TLL2: variants seen among roughly 807,000 people sequenced by gnomAD.
TLL2 encodes the protein tolloid like 2, also known as tolloid-like protein 2.
TLL2 carries 106 observed loss-of-function variants against 123.0 expected under a neutral mutation model. The observed-to-expected ratio is 0.86, with a 90% CI of 0.74 to 1.01. The LOEUF (loss-of-function observed/expected upper bound fraction) is 1.01. TLL2 is among the 50% of genes least tolerant of loss of function. The pLI, the probability that TLL2 is intolerant of heterozygous loss-of-function variation, is 0.00. For missense variants in TLL2, 1,332 were observed against 1,336.7 expected (o/e 1.00, Z 0.06); for synonymous variants, 494 against 516.8 (o/e 0.96, Z 0.60).
intron 2 of TLL2, among the ~76,000 whole-genome samples, chr10:96,460,504 G>T (rs543548187): frequency 1.3e-5 from 2 of 152,282 alleles, no homozygotes; most frequent in Admixed American, 1.3e-4. Context: ...GTTGGAGGAG[G>T]GGCCTGGTGG....
intron 2 of TLL2, among the ~76,000 whole-genome samples, chr10:96,448,157 C>G (rs779101455): frequency 2.0e-5 from 3 of 152,204 alleles, no homozygotes; most frequent in African/African-American, 4.8e-5. Flanking sequence ...ATGGGAGGCT[C>G]CGCGCCTGCA....
At chr10:96,424,920 T>C (rs1412232830) in intron 5 of TLL2, among the ~76,000 whole-genome samples, 1 of 151,948 alleles carries the variant, frequency 6.6e-6, no homozygotes, top group Non-Finnish European at 1.5e-5. Context: ...GATTTTTTCT[T>C]TCTTTCTTCC....
At chr10:96,459,213 T>C (rs1161617343) in intron 2 of TLL2, among the ~76,000 whole-genome samples, 1 of 152,172 alleles carries the variant, frequency 6.6e-6, no homozygotes, top group African/African-American at 2.4e-5. Flanking sequence ...GCTGGAATCC[T>C]CTCATGTTTT....
intron 2 of TLL2, among the ~76,000 whole-genome samples, chr10:96,467,016 G>T (rs764166344): frequency 5.9e-5 from 9 of 152,170 alleles, no homozygotes; most frequent in African/African-American, 1.9e-4. Flanking sequence ...TAAAAAATTA[G>T]TTTAGTTCAT....
chr10:96,384,525 G>T, intron 16 of TLL2, 62 bp downstream of exon 16: 1 of 1,446,522 alleles, frequency 6.9e-7, no homozygotes, highest in Non-Finnish European at 9.3e-7. Flanking sequence ...GGACCCCAGA[G>T]CCTGGAGTCT....
rs975298371 is a variant in TLL2, at chr10:96,415,050, C to A, written c.924-1734G>T. Among the ~76,000 whole-genome samples the A allele has an allele frequency of 4.6e-5, 7 of 152,322 alleles. 1 individual carries two copies. The highest frequency in any genetic ancestry group is 4.6e-4 in the Admixed American group (7 of 15,302). ...CTTGGCCACAATGCTGCAATGGAAT[C>A]ATCCCAGAATGCAAGGGGAGGCACG... On this transcript the variant is annotated intron_variant, in intron 7 of 20. Coordinates refer to ENST00000357947, the MANE Select transcript of TLL2 (RefSeq NM_012465.4).
chr10:96,375,822 T>A (rs943402208), intron 18 of TLL2, among the ~76,000 whole-genome samples: 1 of 152,216 alleles, frequency 6.6e-6, no homozygotes, highest in Non-Finnish European at 1.5e-5. Context: ...CTCCCTGAGT[T>A]ATCGTCCACA....
intron 3 of TLL2, among the ~76,000 whole-genome samples, chr10:96,439,436 C>G (rs1027921533): frequency 4.6e-5 from 7 of 152,024 alleles, no homozygotes; most frequent in Non-Finnish European, 8.8e-5. Flanking sequence ...CTGGGTCTCT[C>G]TCTCTCTCTG....
At chr10:96,497,521 C>A (rs930355328) in intron 1 of TLL2, among the ~76,000 whole-genome samples, 1 of 152,156 alleles carries the variant, frequency 6.6e-6, no homozygotes, top group Non-Finnish European at 1.5e-5. Context: ...AGGAAGAGAT[C>A]TTGGCAGACC....
intron 20 of TLL2, among the ~76,000 whole-genome samples, chr10:96,368,922 A>G (rs986574372): frequency 6.6e-6 from 1 of 152,176 alleles, no homozygotes; most frequent in Non-Finnish European, 1.5e-5. Flanking sequence ...AGTTTGAAAG[A>G]TTTTATCAAA....
At chr10:96,476,956 G>A (rs1847263563) in intron 2 of TLL2, among the ~76,000 whole-genome samples, 1 of 150,350 alleles carries the variant, frequency 6.7e-6, no homozygotes, top group Non-Finnish European at 1.5e-5. Flanking sequence ...CAGCAAACTG[G>A]TAATGCCAGG....
intron 18 of TLL2, among the ~76,000 whole-genome samples, chr10:96,376,206 T>G (rs1846136726): frequency 6.6e-6 from 1 of 152,252 alleles, no homozygotes; most frequent in South Asian, 2.1e-4. Context: ...TATATTTCCC[T>G]GTGCACTGAC....
At chr10:96,388,921 G>A (rs1043450286) in intron 13 of TLL2, among the ~76,000 whole-genome samples, 1 of 152,220 alleles carries the variant, frequency 6.6e-6, no homozygotes, top group Non-Finnish European at 1.5e-5. Flanking sequence ...TGCTTATTAG[G>A]GGAGATTGCG....
At chr10:96,506,270 AAAAAAAAAG>A (rs1847578642) in intron 1 of TLL2, among the ~76,000 whole-genome samples, 1 of 150,156 alleles carries the variant, frequency 6.7e-6, no homozygotes, top group Non-Finnish European at 1.5e-5. Flanking sequence ...AAAAAAGAAA[AAAAAAAAAG>A]AAAAAAGGAA....
At chr10:96,399,807 G>T (rs1846376407) in intron 10 of TLL2, among the ~76,000 whole-genome samples, 1 of 152,208 alleles carries the variant, frequency 6.6e-6, no homozygotes, top group Admixed American at 6.5e-5. Flanking sequence ...CAGCCACTGA[G>T]GCTTGTTTCC....
intron 16 of TLL2, 131 bp downstream of exon 16, chr10:96,384,456 C>T: frequency 1.0e-6 from 1 of 956,294 alleles, no homozygotes; most frequent in Non-Finnish European, 1.5e-6. Context: ...ACGCCCCCTC[C>T]AAGGCAGCCA....
intron 2 of TLL2, among the ~76,000 whole-genome samples, chr10:96,458,319 G>T (rs1200374391): frequency 6.6e-6 from 1 of 152,116 alleles, no homozygotes; most frequent in Non-Finnish European, 1.5e-5. Flanking sequence ...AGGTACAGTG[G>T]CTCACGCCTA....
At chr10:96,381,310 T>C (rs898202172) in intron 16 of TLL2, among the ~76,000 whole-genome samples, 2 of 152,138 alleles carry the variant, frequency 1.3e-5, no homozygotes, top group Admixed American at 6.5e-5. Context: ...CTGCAAACAG[T>C]CCCCCTTCCT....
In TLL2 at chr10:96,384,706, C is replaced by A. The variant is rs780061230; in HGVS notation, c.2075G>T (p.Gly692Val). 4.3e-6 allele frequency: 7 copies of A among 1,611,880 alleles called. No homozygotes were observed. The Admixed American group carries it at 5.0e-5, about 12-fold the overall frequency. Residue 692 changes from glycine (G) to valine (V), a missense_variant, in exon 16 of 21, where the codon GGC becomes GTC. Transcript: ENST00000357947. ...SGLSPDAKLH[G>V]RFCGSETPEV... ...CGGCGTCTCAGAGCCGCAGAACCTG[C>A]CGTGCAGCTTGGCGTCGGGGGACAG...
Sources: allele counts gnomAD v4.1 joint callset (sites outside exome capture counted in the v4.1 genomes callset), GRCh38; gene constraint gnomAD v4.1.1; transcripts MANE v1.5; gene names NCBI Gene and HGNC (gene_info 2026-07-23, HGNC 2026-07-21).